Variants in C11orf65 observed in about 807,000 individuals in gnomAD.
The protein encoded by C11orf65 is protein MFI.
Under a neutral mutation model 35.3 loss-of-function variants are expected in C11orf65, and 38 were observed. The observed-to-expected ratio is 1.08, with a 90% CI of 0.83 to 1.41. The LOEUF (loss-of-function observed/expected upper bound fraction) is 1.41, where lower values mean the gene tolerates loss of function less well. C11orf65 is among the 40% of genes most tolerant of loss of function. The probability of loss-of-function intolerance (pLI) is 0.00; values close to 1 mark genes in which losing one functional copy is unlikely to be tolerated. For synonymous variants in C11orf65, 105 were observed against 114.4 expected (o/e 0.92, Z 0.53); for missense variants, 370 against 367.1 (o/e 1.01, Z -0.06).
chr11:108,461,856 C>CA (rs1392179861), intron 1 of C11orf65, among the ~76,000 whole-genome samples: 1 of 151,190 alleles, frequency 6.6e-6, no homozygotes, highest in Non-Finnish European at 1.5e-5. Flanking sequence ...AGGCTGGTGT[C>CA]AAACACCTTC....
At chr11:108,325,683 G>C in intron 6 of C11orf65, 1 of 823,236 alleles carries the variant, frequency 1.2e-6, no homozygotes, top group Non-Finnish European at 1.9e-6. Context: ...AATTGTTTAA[G>C]AGTTCCCATT....
chr11:108,318,981 G>C (rs932426973), intron 6 of C11orf65, among the ~76,000 whole-genome samples: 2 of 152,008 alleles, frequency 1.3e-5, no homozygotes, highest in Admixed American at 1.3e-4. Context: ...TTCAAGACAA[G>C]CTTGGGCAAC....
At chr11:108,442,230 T>C (rs767551871) in intron 2 of C11orf65, among the ~76,000 whole-genome samples, 13 of 152,134 alleles carry the variant, frequency 8.5e-5, no homozygotes, top group South Asian at 4.2e-4. Context: ...GTATCAGTGA[T>C]TGAAGATCAA....
At chr11:108,394,018 A>G (rs2092240018) in intron 6 of C11orf65, among the ~76,000 whole-genome samples, 1 of 151,954 alleles carries the variant, frequency 6.6e-6, no homozygotes. Flanking sequence ...TGTCTCTACT[A>G]AAAATACAAA....
intron 6 of C11orf65, among the ~76,000 whole-genome samples, chr11:108,405,146 T>G (rs559903994): frequency 2.6e-5 from 4 of 152,204 alleles, no homozygotes; most frequent in African/African-American, 9.6e-5. Flanking sequence ...ACTCAAACTT[T>G]TGTTAACTAA....
chr11:108,396,870 T>TAAATAAATAAATAAATAAAAA (rs71942809), intron 6 of C11orf65, among the ~76,000 whole-genome samples: 1 of 144,934 alleles, frequency 6.9e-6, no homozygotes, highest in African/African-American at 2.5e-5. Context: ...AATAAATAAA[T>TAAATAAATAAATAAATAAAAA]AAATAAAATA....
chr11:108,358,062 A>C (rs1421868957), intron 2 of C11orf65, among the ~76,000 whole-genome samples: 1 of 147,696 alleles, frequency 6.8e-6, no homozygotes, highest in Non-Finnish European at 1.5e-5. Context: ...ATTTAGAAGA[A>C]TGTATAACTA....
intron 2 of C11orf65, chr11:108,365,235 G>A (rs1174442478): frequency 6.2e-7 from 1 of 1,614,098 alleles, no homozygotes; most frequent in Non-Finnish European, 8.5e-7. Flanking sequence ...AGTATTTTAA[G>A]AAGGTCCTGT....
In C11orf65 at chr11:108,365,713, T is replaced by C. The variant is rs147355837; in HGVS notation, c.226+27495A>G. On this transcript the variant is annotated intron_variant, in intron 2 of 3. Transcript: ENST00000524755. ...AAGGAACATCTCTGCTTTCACTCTT[T>C]AGAAATAATGGTCATTCGGGCTGGG... The C allele has an allele frequency of 6.7e-5, 46 of 687,478 alleles. No individual in the cohort carries two copies. The East Asian group carries it at 1.3e-3, about 19-fold the overall frequency. 42.6% of individuals were successfully genotyped at this position (687,478 alleles called of 1,614,324 possible).
intron 2 of C11orf65, among the ~76,000 whole-genome samples, chr11:108,452,712 G>A (rs2093364579): frequency 6.6e-6 from 1 of 152,108 alleles, no homozygotes; most frequent in Non-Finnish European, 1.5e-5. Context: ...TATGTTTACT[G>A]CAGCACTATT....
intron 1 of C11orf65, among the ~76,000 whole-genome samples, chr11:108,462,143 G>A (rs982659485): frequency 2.6e-5 from 4 of 152,024 alleles, no homozygotes; most frequent in South Asian, 2.1e-4. Flanking sequence ...TCTTAGGCTC[G>A]ATTGCTCCTC....
chr11:108,310,226 G>A lies in C11orf65; in HGVS notation c.641-1155C>T, dbSNP rs2136014922. 1 of 1,613,550 alleles carries A rather than the reference G, an allele frequency of 6.2e-7. No homozygotes were observed. On this transcript the variant is annotated intron_variant, in intron 6 of 6. Coordinates refer to the C11orf65 transcript ENST00000525729. Reference sequence around the variant, plus strand: ...ATTTAAATTATCTAGAAGTTGCCAAGGTAGCTCAGTCTTGTGCTGCTCACT... The same window carrying A: ...ATTTAAATTATCTAGAAGTTGCCAAAGTAGCTCAGTCTTGTGCTGCTCACT...
At chr11:108,446,047 A>C (rs1239037961) in intron 2 of C11orf65, among the ~76,000 whole-genome samples, 1 of 152,160 alleles carries the variant, frequency 6.6e-6, no homozygotes, top group Non-Finnish European at 1.5e-5. Context: ...AATGAATGAA[A>C]TGAATGAAAT....
intron 2 of C11orf65, among the ~76,000 whole-genome samples, chr11:108,348,028 G>A (rs935420853): frequency 6.6e-6 from 1 of 152,148 alleles, no homozygotes; most frequent in Admixed American, 6.5e-5. Flanking sequence ...CTGTACCAGT[G>A]ATATTAGATG....
chr11:108,460,988 G>A (rs2093467536), intron 2 of C11orf65, among the ~76,000 whole-genome samples: 1 of 152,094 alleles, frequency 6.6e-6, no homozygotes. Flanking sequence ...GCCTCTCAAA[G>A]TGCTGGGATT....
rs532059364 is a variant in C11orf65, at chr11:108,410,917, G to A, written c.175-3768C>T. Among the ~76,000 whole-genome samples the A allele has an allele frequency of 9.9e-5, 15 of 151,592 alleles. No homozygotes were observed. The South Asian group carries it at 2.9e-3, about 30-fold the overall frequency. Reference sequence around the variant, plus strand: ...GTAGAGACGGGGTTTCACCATGTTGGTCAGACTGGTCTCGAACTCCTGACC... The same window carrying A: ...GTAGAGACGGGGTTTCACCATGTTGATCAGACTGGTCTCGAACTCCTGACC... On this transcript the variant is annotated intron_variant, in intron 3 of 8. Coordinates refer to ENST00000393084, the MANE Select transcript of C11orf65 (RefSeq NM_152587.5).
chr11:108,433,805 C>A (rs1279131677), intron 2 of C11orf65, among the ~76,000 whole-genome samples: 1 of 151,748 alleles, frequency 6.6e-6, no homozygotes, highest in South Asian at 2.1e-4. Context: ...GCTTCACTTG[C>A]AGTACAGAGA....
At chr11:108,387,971 C>T (rs1264082639) in intron 7 of C11orf65, among the ~76,000 whole-genome samples, 2 of 152,206 alleles carry the variant, frequency 1.3e-5, no homozygotes, top group Non-Finnish European at 2.9e-5. Context: ...GGATGCAGGA[C>T]AAGAGCAGGT....
intron 2 of C11orf65, among the ~76,000 whole-genome samples, chr11:108,352,688 AAACT>A (rs1486580534): frequency 6.6e-6 from 1 of 152,236 alleles, no homozygotes; most frequent in African/African-American, 2.4e-5. Flanking sequence ...ATGCTTAAAC[AAACT>A]GTGTTACATC....
Sources: gnomAD v4.1 joint callset for allele counts (sites outside exome capture counted in the v4.1 genomes callset) on GRCh38, gnomAD v4.1.1 for gene constraint, MANE v1.5 for transcripts, NCBI Gene and HGNC (gene_info 2026-07-23, HGNC 2026-07-21) for gene names.